ESF1: variants seen among roughly 807,000 people sequenced by gnomAD.
The protein encoded by ESF1 is ESF1 homolog.
In ESF1, 58 loss-of-function variants were observed where a neutral mutation model predicts 92.0. The ratio of observed to expected loss-of-function variants is 0.63; its 90% CI spans 0.51 to 0.78. The LOEUF (loss-of-function observed/expected upper bound fraction) is 0.78. ESF1 is among the 30% of genes least tolerant of loss of function. ESF1 has a pLI of 0.00. For missense variants in ESF1, 922 were observed against 989.1 expected (o/e 0.93, Z 0.91); for synonymous variants, 321 against 313.7 (o/e 1.02, Z -0.24).
rs776604357 is a variant in ESF1, at chr20:13,783,178, C to T, written c.-38G>A. The T allele has an allele frequency of 6.4e-7, 1 of 1,557,262 alleles. No homozygotes were observed. The highest frequency in any genetic ancestry group is 1.4e-5 in the African/African-American group (1 of 72,594). On this transcript the variant is annotated 5_prime_UTR_variant, in exon 2 of 14. Coordinates refer to ENST00000617257, the MANE Select transcript of ESF1 (RefSeq NM_001276380.2). ...ATCTCGACCAAATGCTTGAAGAAAACAAATACTGAAAAATAAAACAAATGT... is the reference window on the plus strand; with the variant it reads ...ATCTCGACCAAATGCTTGAAGAAAATAAATACTGAAAAATAAAACAAATGT...
At chr20:13,718,519 C>T (rs148698784) in intron 12 of ESF1, among the ~76,000 whole-genome samples, 1 of 152,272 alleles carries the variant, frequency 6.6e-6, no homozygotes, top group African/African-American at 2.4e-5. Flanking sequence ...ATTTGACAAA[C>T]CATAACCACA....
intron 9 of ESF1, among the ~76,000 whole-genome samples, chr20:13,741,307 T>A (rs550585294): frequency 1.1e-3 from 160 of 152,026 alleles, no homozygotes; most frequent in Non-Finnish European, 1.8e-3. Flanking sequence ...CATACTACAG[T>A]CCTTTCAATT....
At chr20:13,777,874 T>C (rs1468690078) in intron 2 of ESF1, among the ~76,000 whole-genome samples, 1 of 152,172 alleles carries the variant, frequency 6.6e-6, no homozygotes, top group African/African-American at 2.4e-5. Context: ...TAGAATGAAA[T>C]TGGAACTAAT....
In ESF1 at chr20:13,775,238, G is replaced by C. The variant is rs1319433182; in HGVS notation, c.1068C>G (p.Asp356Glu). 3 of 1,610,238 alleles carry C rather than the reference G, an allele frequency of 1.9e-6. No homozygotes were observed. Among genetic ancestry groups the C allele is most frequent in the Non-Finnish European group, 2.5e-6 (3 of 1,178,720 alleles). ...ITRRLAVCNM[D>E]WDRLKAKDLL... ...AATCTTTTGCCTTTAATCTATCCCA[G>C]TCCATGTTACAAACTGCTAATCGAC... The change falls in exon 4 of 14, where the codon GAC (aspartate) becomes GAG (glutamate). Residue 356 changes from aspartate (D) to glutamate (E), a missense_variant. By Grantham distance (45) the Asp-to-Glu change is conservative (BLOSUM62 2). Coordinates refer to ENST00000617257, the MANE Select transcript of ESF1 (RefSeq NM_001276380.2).
intron 4 of ESF1, among the ~76,000 whole-genome samples, chr20:13,773,848 C>G (rs1013181736): frequency 1.3e-5 from 2 of 152,160 alleles, no homozygotes; most frequent in African/African-American, 4.8e-5. Flanking sequence ...GTAATCCCAG[C>G]ACTTTGGGAG....
At chr20:13,769,183 T>C (rs914618471) in intron 7 of ESF1, among the ~76,000 whole-genome samples, 2 of 152,182 alleles carry the variant, frequency 1.3e-5, no homozygotes, top group African/African-American at 4.8e-5. Flanking sequence ...TATTAGAGTG[T>C]ATAGGAGATA....
intron 9 of ESF1, among the ~76,000 whole-genome samples, chr20:13,734,070 C>T (rs372235618): frequency 9.9e-5 from 15 of 152,164 alleles, no homozygotes; most frequent in African/African-American, 3.6e-4. Context: ...CAAACAAAAT[C>T]AAAACAAACC....
chr20:13,745,127 A>C (rs915384130), intron 9 of ESF1, among the ~76,000 whole-genome samples: 3 of 152,254 alleles, frequency 2.0e-5, no homozygotes, highest in South Asian at 2.1e-4. Context: ...AGGTAACGAT[A>C]AAGAGCTATG....
chr20:13,742,428 G>A (rs1301511192), intron 9 of ESF1, among the ~76,000 whole-genome samples: 6 of 151,852 alleles, frequency 4.0e-5, no homozygotes, highest in Non-Finnish European at 5.9e-5. Context: ...CTGAGATCAC[G>A]CCATTGCACT....
chr20:13,748,152 C>T (rs1025843544), intron 9 of ESF1, among the ~76,000 whole-genome samples: 3 of 152,116 alleles, frequency 2.0e-5, no homozygotes, highest in Non-Finnish European at 4.4e-5. Context: ...CATAGCTTGC[C>T]TTATAAAGCT....
chr20:13,733,123 G>A (rs1158690119), intron 10 of ESF1, among the ~76,000 whole-genome samples: 1 of 149,950 alleles, frequency 6.7e-6, no homozygotes, highest in Admixed American at 6.6e-5. Context: ...GCAGGGTTTC[G>A]CCATGTTGGC....
intron 11 of ESF1, among the ~76,000 whole-genome samples, chr20:13,725,600 GCTT>G (rs1236105594): frequency 6.6e-6 from 1 of 152,116 alleles, no homozygotes; most frequent in East Asian, 1.9e-4. Flanking sequence ...CCGCTTCTCA[GCTT>G]CTTAAGCTTT....
At chr20:13,750,461 C>T (rs1978580830) in intron 9 of ESF1, among the ~76,000 whole-genome samples, 1 of 152,112 alleles carries the variant, frequency 6.6e-6, no homozygotes, top group South Asian at 2.1e-4. Context: ...GCCAAGACAG[C>T]CCCACTGCAC....
chr20:13,732,256 G>A lies in ESF1; in HGVS notation c.1950+1465C>T, dbSNP rs143572466. ...CCAGCCGGTGTCCACTGGTTAGTGTGTGGAGAAAACTCCCTACCCATTTGG... is the reference window on the plus strand; with the variant it reads ...CCAGCCGGTGTCCACTGGTTAGTGTATGGAGAAAACTCCCTACCCATTTGG... On this transcript the variant is annotated intron_variant, in intron 10 of 13. Transcript: ENST00000617257. Among the ~76,000 whole-genome samples the A allele has an allele frequency of 3.8e-3, 572 of 152,298 alleles. 3 individuals carry two copies. Among genetic ancestry groups the A allele is most frequent in the African/African-American group, 0.013 (524 of 41,562 alleles).
chr20:13,757,519 C>G (rs1247616814), intron 9 of ESF1, among the ~76,000 whole-genome samples: 1 of 152,178 alleles, frequency 6.6e-6, no homozygotes, highest in African/African-American at 2.4e-5. Flanking sequence ...CCACCTCAGC[C>G]TCCCCAGTAG....
chr20:13,717,544 A>C, intron 12 of ESF1, 30 bp from the exon 13 acceptor site: 2 of 1,608,650 alleles, frequency 1.2e-6, no homozygotes, highest in Non-Finnish European at 1.7e-6. Context: ...GTTCAAATGT[A>C]CAACAGTGCT....
intron 9 of ESF1, among the ~76,000 whole-genome samples, chr20:13,755,886 A>T (rs1230680124): frequency 6.6e-6 from 1 of 152,210 alleles, no homozygotes; most frequent in Non-Finnish European, 1.5e-5. Flanking sequence ...TCTTCTGAAA[A>T]ATCAAACCAA....
At chr20:13,747,211 C>T (rs1020604738) in intron 9 of ESF1, among the ~76,000 whole-genome samples, 2 of 151,518 alleles carry the variant, frequency 1.3e-5, no homozygotes, top group Admixed American at 6.6e-5. Context: ...TTGGCAGTGT[C>T]CTTTATGCAG....
chr20:13,753,471 A>AT, intron 9 of ESF1, among the ~76,000 whole-genome samples: 1 of 149,928 alleles, frequency 6.7e-6, no homozygotes, highest in Middle Eastern at 3.2e-3. Flanking sequence ...CTTATTGTAG[A>AT]TATCTTTTTT....
Sources: allele counts gnomAD v4.1 joint callset (sites outside exome capture counted in the v4.1 genomes callset), GRCh38; gene constraint gnomAD v4.1.1; transcripts MANE v1.5; gene names NCBI Gene and HGNC (gene_info 2026-07-23, HGNC 2026-07-21).